CACNG7: variants seen among roughly 807,000 people sequenced by gnomAD.
CACNG7 encodes the protein calcium voltage-gated channel auxiliary subunit gamma 7, also known as voltage-dependent calcium channel gamma-7 subunit.
A neutral mutation model predicts 26.3 loss-of-function variants in CACNG7; 9 were observed. The ratio of observed to expected loss-of-function variants is 0.34; its 90% CI spans 0.21 to 0.60. CACNG7 has a LOEUF of 0.60. Ranked by LOEUF, CACNG7 falls within the 20% of genes least tolerant of loss-of-function variation. The pLI is 0.81. For synonymous variants in CACNG7, 170 were observed against 157.0 expected (o/e 1.08, Z -0.62); for missense variants, 297 against 380.4 (o/e 0.78, Z 1.82).
At chr19:53,919,035 G>A (rs1266560976) in intron 4 of CACNG7, among the ~76,000 whole-genome samples, 2 of 152,238 alleles carry the variant, frequency 1.3e-5, no homozygotes, top group Non-Finnish European at 2.9e-5. Flanking sequence ...CTCCCGAAGT[G>A]CTGGAATTGC....
At chr19:53,935,634 C>CTTT (rs59884893) in intron 4 of CACNG7, among the ~76,000 whole-genome samples, 658 of 42,242 alleles carry the variant, frequency 0.016, 94 homozygotes, top group African/African-American at 0.047. Context: ...CCAATACTGT[C>CTTT]TTTTTTTTTT....
chr19:53,915,419 C>T lies in CACNG7; in HGVS notation c.338C>T (p.Thr113Met), dbSNP rs1396171373. The change falls in exon 4 of 6, where the codon ACG becomes ATG. Residue 113 changes from threonine (T) to methionine (M), a missense_variant. Physicochemically the swap from Thr to Met is moderately conservative, Grantham distance 81. Coordinates refer to ENST00000391767, the MANE Select transcript of CACNG7 (RefSeq NM_031896.5). ...ATGGTCAGCCTCTTCCTCGTGTTCA[C>T]GGCCTTCGTCATCAGCAACATCGGC... ...FPMVSLFLVF[T>M]AFVISNIGHI... 3 of 1,614,026 alleles carry T rather than the reference C, an allele frequency of 1.9e-6. No homozygotes were observed. Among genetic ancestry groups the T allele is most frequent in the South Asian group, 2.2e-5 (2 of 91,082 alleles).
At chr19:53,917,973 C>T (rs186113046) in intron 4 of CACNG7, among the ~76,000 whole-genome samples, 1 of 152,332 alleles carries the variant, frequency 6.6e-6, no homozygotes, top group East Asian at 1.9e-4. Flanking sequence ...CTGGAAGTCA[C>T]GTCTCTAGGG....
chr19:53,925,600 G>A (rs1482955723), intron 4 of CACNG7, among the ~76,000 whole-genome samples: 3 of 152,204 alleles, frequency 2.0e-5, no homozygotes, highest in African/African-American at 7.2e-5. Flanking sequence ...CTGGTCATTG[G>A]GGGAGTTGCC....
chr19:53,922,330 GGAGTTGT>G lies in CACNG7; in HGVS notation c.424+6826_424+6832del, dbSNP rs1265630518. On this transcript the variant is annotated intron_variant, in intron 4 of 5. Transcript: ENST00000391767. ...GTTGTCCCCAGGTCTGGTCATTGGT[GGAGTTGT>G]CCCCAGGCCTGGTCATTGGTGGAGT... 6.1e-4 allele frequency among the ~76,000 whole-genome samples: 61 copies of G among 100,286 alleles called. 14 individuals are homozygous for G. The highest frequency in any genetic ancestry group is 2.6e-3 in the African/African-American group (55 of 20,866). The allele number at this position is 100,286 out of a possible 152,430, so 65.8% of individuals were successfully genotyped here.
intron 4 of CACNG7, among the ~76,000 whole-genome samples, chr19:53,938,947 TCAAAA>T (rs3071103): frequency 0.86 from 128,011 of 149,262 alleles, 54,954 homozygotes; most frequent in East Asian, 0.97. Flanking sequence ...GACCCTGTCT[TCAAAA>T]CAAAACAAAA....
At chr19:53,924,723 T>C (rs1011049231) in intron 4 of CACNG7, among the ~76,000 whole-genome samples, 10 of 150,424 alleles carry the variant, frequency 6.6e-5, no homozygotes, top group African/African-American at 2.5e-4. Flanking sequence ...GTTCTGGTAT[T>C]GGTGGAGTTG....
chr19:53,941,953 A>G, intron 5 of CACNG7, 83 bp from the exon 6 acceptor site: 2 of 1,443,744 alleles, frequency 1.4e-6, no homozygotes. Flanking sequence ...GGGGACTCTG[A>G]GTCCTGGAGT....
At chr19:53,934,815 C>A (rs2069095069) in intron 4 of CACNG7, among the ~76,000 whole-genome samples, 1 of 151,128 alleles carries the variant, frequency 6.6e-6, no homozygotes, top group Non-Finnish European at 1.5e-5. Context: ...GCAGGTAATA[C>A]TTTAGCATTT....
chr19:53,927,215 G>C (rs11878492), intron 4 of CACNG7, among the ~76,000 whole-genome samples: 38,480 of 151,868 alleles, frequency 0.25, 6,356 homozygotes, highest in African/African-American at 0.47. Flanking sequence ...CCACTGCGGC[G>C]CAGCTGGGCT....
intron 2 of CACNG7, among the ~76,000 whole-genome samples, chr19:53,914,110 C>A (rs142965980): frequency 0.033 from 4,989 of 151,890 alleles, 260 homozygotes; most frequent in African/African-American, 0.11. Context: ...CCCGTCTCTA[C>A]TAAAAATACA....
intron 4 of CACNG7, among the ~76,000 whole-genome samples, chr19:53,935,738 T>C (rs1425392132): frequency 6.9e-6 from 1 of 145,676 alleles, no homozygotes. Context: ...CCTCCTGGGT[T>C]CAAGCGATTC....
chr19:53,917,058 G>T (rs376244305), intron 4 of CACNG7, among the ~76,000 whole-genome samples: 5 of 151,268 alleles, frequency 3.3e-5, no homozygotes, highest in African/African-American at 1.2e-4. Context: ...TTAGCCTCCC[G>T]AAGTGCTGGG....
chr19:53,921,777 T>C (rs2068957348), intron 4 of CACNG7, among the ~76,000 whole-genome samples: 2 of 91,184 alleles, frequency 2.2e-5, no homozygotes, highest in Non-Finnish European at 4.1e-5. Context: ...GTCCCAGGTC[T>C]GGTCATTGGT....
rs1346576140 is a variant in CACNG7 at position 53,942,999 on chromosome 19, T to C, written c.*706T>C. The stretch of plus-strand genomic sequence containing the variant: ...AGGTTACCTGCCTTTTAGGGGGCTC[T>C]TGTCTAAAGGATCTTCTTGCTTTCT... On this transcript the variant is annotated 3_prime_UTR_variant, in exon 6 of 6. Coordinates refer to ENST00000391767, the MANE Select transcript of CACNG7 (RefSeq NM_031896.5). This position sits in a 1 kb window ranked among gnomAD's most constrained non-coding sequence, Gnocchi z 5.9. 1 of 152,584 alleles carries C rather than the reference T, an allele frequency of 6.6e-6. No individual in the cohort carries two copies. The highest frequency in any genetic ancestry group is 1.9e-4 in the East Asian group (1 of 5,194). 9.5% of individuals were successfully genotyped at this position (152,584 alleles called of 1,614,324 possible). A position where few individuals can be genotyped will look rare whatever the true frequency, so the allele number is the denominator to read the frequency against.
At chr19:53,935,724 TC>T (rs2069101172) in intron 4 of CACNG7, among the ~76,000 whole-genome samples, 1 of 128,736 alleles carries the variant, frequency 7.8e-6, no homozygotes, top group African/African-American at 2.9e-5. Context: ...ACTGCAACCT[TC>T]TGCCTCCTGG....
rs1475529676 is a variant in CACNG7 at position 53,920,987 on chromosome 19, AGTTG to A, written c.424+5483_424+5486del. ...CTTGCCCCAGGCTGGTCATTGGTGG[AGTTG>A]CCCCAGGCTGGTCATTGGTGGAGTT... On this transcript the variant is annotated intron_variant, in intron 4 of 5. Coordinates refer to ENST00000391767, the MANE Select transcript of CACNG7 (RefSeq NM_031896.5). Among the ~76,000 whole-genome samples, 142 of 68,984 alleles carry A rather than the reference AGTTG, an allele frequency of 2.1e-3. 14 individuals are homozygous for A. The highest frequency in any genetic ancestry group is 0.012 in the African/African-American group (132 of 10,880). The allele number at this position is 68,984 out of a possible 152,430, so 45.3% of individuals were successfully genotyped here. A position where few individuals can be genotyped will look rare whatever the true frequency, so the allele number is the denominator to read the frequency against.
intron 4 of CACNG7, among the ~76,000 whole-genome samples, chr19:53,922,254 GT>G (rs759353578): frequency 0.048 from 2,994 of 62,842 alleles, 513 homozygotes; most frequent in Non-Finnish European, 0.052. Context: ...TGGTGGAGTT[GT>G]CCCCAGGTCT....
chr19:53,915,225 G>A (rs1265843248), intron 3 of CACNG7, 140 bp from the exon 4 acceptor site: 11 of 642,094 alleles, frequency 1.7e-5, no homozygotes, highest in Non-Finnish European at 2.8e-5. Context: ...AGAAGAGTCA[G>A]TGGGGAAGGG....
Sources: allele counts gnomAD v4.1 joint callset (sites outside exome capture counted in the v4.1 genomes callset), GRCh38; gene constraint gnomAD v4.1.1; non-coding constraint Gnocchi (gnomAD v3.1); transcripts MANE v1.5; gene names NCBI Gene and HGNC (gene_info 2026-07-23, HGNC 2026-07-21).